Variants in CTNNA3 observed in about 807,000 individuals in gnomAD.
CTNNA3 encodes catenin alpha-3.
A neutral mutation model predicts 95.7 loss-of-function variants in CTNNA3; 76 were observed. The ratio of observed to expected loss-of-function variants is 0.79; its 90% confidence interval spans 0.66 to 0.96. The LOEUF (loss-of-function observed/expected upper bound fraction) is 0.96. Ranked by LOEUF, CTNNA3 falls within the 40% of genes least tolerant of loss-of-function variation. The pLI is 0.00. For missense variants in CTNNA3, 1,191 were observed against 1,089.8 expected (o/e 1.09, Z -1.31); for synonymous variants, 431 against 374.4 (o/e 1.15, Z -1.74).
chr10:66,027,665 T>A (rs1224673186), intron 15 of CTNNA3, among the ~76,000 whole-genome samples: 1 of 152,158 alleles, frequency 6.6e-6, no homozygotes, highest in Non-Finnish European at 1.5e-5. Context: ...TGTATTTACT[T>A]ATGGTTCACA....
chr10:66,074,180 T>G (rs2080499311), intron 14 of CTNNA3, among the ~76,000 whole-genome samples: 1 of 151,820 alleles, frequency 6.6e-6, no homozygotes, highest in Non-Finnish European at 1.5e-5. Flanking sequence ...TAGTTATATT[T>G]TGTTTATTCT....
At chr10:67,251,953 T>C (rs894164479) in intron 5 of CTNNA3, among the ~76,000 whole-genome samples, 1 of 152,090 alleles carries the variant, frequency 6.6e-6, no homozygotes, top group Non-Finnish European at 1.5e-5. Context: ...CTCACACCTG[T>C]AATCCCAGCA....
intron 12 of CTNNA3, among the ~76,000 whole-genome samples, chr10:66,311,533 T>C (rs1056924344): frequency 6.6e-6 from 1 of 152,160 alleles, no homozygotes; most frequent in Admixed American, 6.5e-5. Flanking sequence ...GAATAAGCAG[T>C]CCTAACAGTA....
chr10:67,250,979 A>G (rs1048968644), intron 5 of CTNNA3, among the ~76,000 whole-genome samples: 5 of 152,210 alleles, frequency 3.3e-5, no homozygotes, highest in African/African-American at 4.8e-5. Context: ...TCCTCTCTTC[A>G]GTATGAAATC....
At chr10:67,396,127 C>A (rs374349159) in intron 5 of CTNNA3, among the ~76,000 whole-genome samples, 2 of 151,930 alleles carry the variant, frequency 1.3e-5, no homozygotes, top group Admixed American at 6.6e-5. Context: ...AAGAAATAAT[C>A]ACAAAACTAT....
At chr10:66,201,374 C>A (rs770167372) in intron 13 of CTNNA3, among the ~76,000 whole-genome samples, 8 of 152,144 alleles carry the variant, frequency 5.3e-5, no homozygotes, top group Non-Finnish European at 1.0e-4. Context: ...ATGTTACTGG[C>A]AAAAGGCAGA....
In CTNNA3 at chr10:66,775,497, G is replaced by A; in HGVS notation, c.1075C>T (p.Leu359=). The A allele has an allele frequency of 6.2e-7, 1 of 1,611,156 alleles. No homozygotes were observed. Among genetic ancestry groups the A allele is most frequent in the Middle Eastern group, 1.7e-4 (1 of 6,046 alleles). Residue 359 remains leucine, a synonymous_variant, in exon 8 of 18, where the codon CTG becomes TTG. Coordinates refer to ENST00000433211, the MANE Select transcript of CTNNA3 (RefSeq NM_013266.4). ...NAGKKERSNT[L]NIALDNMCKK... ...CACATGTTGTCTAAAGCAATATTCA[G>A]GGTATTACTCCTTTCTTTTTTTCCA... is the stretch of plus-strand genomic sequence containing the variant.
chr10:66,487,877 C>T (rs1363481638), intron 11 of CTNNA3, among the ~76,000 whole-genome samples: 1 of 152,108 alleles, frequency 6.6e-6, no homozygotes, highest in African/African-American at 2.4e-5. Flanking sequence ...CTTTAAAAAG[C>T]TTGGTGGCTG....
intron 17 of CTNNA3, among the ~76,000 whole-genome samples, chr10:65,929,708 A>G (rs964172303): frequency 4.6e-5 from 7 of 151,700 alleles, no homozygotes; most frequent in African/African-American, 1.7e-4. Context: ...AGCTGGGACT[A>G]CAGGCACCCG....
At chr10:67,111,717 G>A (rs1183937402) in intron 7 of CTNNA3, among the ~76,000 whole-genome samples, 2 of 151,786 alleles carry the variant, frequency 1.3e-5, no homozygotes, top group Non-Finnish European at 2.9e-5. Flanking sequence ...TCCACTACAG[G>A]ATATTCCCAT....
chr10:66,082,184 A>C (rs1375505977), intron 14 of CTNNA3, among the ~76,000 whole-genome samples: 2 of 152,040 alleles, frequency 1.3e-5, no homozygotes, highest in Non-Finnish European at 2.9e-5. Context: ...CAAAGAAAAA[A>C]AAAAAACTTA....
At chr10:67,202,729 C>A (rs1332142169) in intron 6 of CTNNA3, among the ~76,000 whole-genome samples, 2 of 151,846 alleles carry the variant, frequency 1.3e-5, no homozygotes, top group African/African-American at 4.8e-5. Flanking sequence ...TCATGCTAGA[C>A]AGAAAGTTTG....
At chr10:66,716,760 G>A (rs996618418) in intron 9 of CTNNA3, among the ~76,000 whole-genome samples, 4 of 152,150 alleles carry the variant, frequency 2.6e-5, no homozygotes, top group African/African-American at 9.6e-5. Flanking sequence ...GTTTTAAGGT[G>A]CTATCCTAGG....
chr10:66,091,051 G>C (rs1247444192), intron 14 of CTNNA3, among the ~76,000 whole-genome samples: 1 of 151,742 alleles, frequency 6.6e-6, no homozygotes, highest in Non-Finnish European at 1.5e-5. Flanking sequence ...GTCTTTAGTA[G>C]GAAAAGATGT....
intron 5 of CTNNA3, among the ~76,000 whole-genome samples, chr10:67,402,004 T>C (rs1314765833): frequency 6.6e-6 from 1 of 152,190 alleles, no homozygotes; most frequent in African/African-American, 2.4e-5. Context: ...AGAATCAGCA[T>C]AAGAACTCTG....
intron 15 of CTNNA3, among the ~76,000 whole-genome samples, chr10:65,998,868 A>C (rs2078716726): frequency 6.6e-6 from 1 of 152,116 alleles, no homozygotes; most frequent in Non-Finnish European, 1.5e-5. Context: ...TGATCAAAGA[A>C]CTCTATACCT....
At chr10:66,688,216 C>T (rs1291933142) in intron 9 of CTNNA3, among the ~76,000 whole-genome samples, 1 of 152,100 alleles carries the variant, frequency 6.6e-6, no homozygotes, top group Non-Finnish European at 1.5e-5. Context: ...AAGATCATGT[C>T]CACTGTGTCA....
At chr10:66,248,195 T>C (rs796231500) in intron 13 of CTNNA3, among the ~76,000 whole-genome samples, 4 of 152,144 alleles carry the variant, frequency 2.6e-5, no homozygotes, top group African/African-American at 9.6e-5. Flanking sequence ...TAATAGATTA[T>C]AAGATAGTAT....
chr10:66,429,307 C>T (rs1414869560), intron 11 of CTNNA3, among the ~76,000 whole-genome samples: 1 of 152,204 alleles, frequency 6.6e-6, no homozygotes. Flanking sequence ...GATTCACAGC[C>T]GATTTCTACC....
Sources: allele counts gnomAD v4.1 joint callset (sites outside exome capture counted in the v4.1 genomes callset), GRCh38; gene constraint gnomAD v4.1.1; transcripts MANE v1.5; gene names NCBI Gene and HGNC (gene_info 2026-07-23, HGNC 2026-07-21).